Variants in PRDM16 observed in about 807,000 individuals in gnomAD.
The protein encoded by PRDM16 is histone-lysine N-methyltransferase PRDM16.
A neutral mutation model predicts 110.6 loss-of-function variants in PRDM16; 23 were observed. The ratio of observed to expected loss-of-function variants is 0.21; its 90% confidence interval spans 0.15 to 0.29. The LOEUF is 0.29. Ranked by LOEUF, PRDM16 falls within the 10% of genes least tolerant of loss-of-function variation. The pLI, the probability that PRDM16 is intolerant of heterozygous loss-of-function variation, is 1.00. For missense variants in PRDM16, 1,615 were observed against 1,794.3 expected, an observed-to-expected ratio of 0.90 and a Z score of 1.81; for synonymous variants, 799 against 781.8, an observed-to-expected ratio of 1.02 and a Z score of -0.37.
chr1:3,184,481 C>G (rs1476653807), intron 1 of PRDM16, among the ~76,000 whole-genome samples: 1 of 152,304 alleles, frequency 6.6e-6, no homozygotes, highest in East Asian at 1.9e-4. Context: ...GAGGGGCTTG[C>G]GTGGAAAGAT....
chr1:3,150,836 C>T (rs1053318831), intron 1 of PRDM16, among the ~76,000 whole-genome samples: 1 of 146,790 alleles, frequency 6.8e-6, no homozygotes, highest in African/African-American at 2.5e-5. Flanking sequence ...AGGGAAAGCA[C>T]AGAGCTGCAA....
At chr1:3,299,137 C>A (rs1000115185) in intron 3 of PRDM16, among the ~76,000 whole-genome samples, 1 of 151,714 alleles carries the variant, frequency 6.6e-6, no homozygotes, top group Non-Finnish European at 1.5e-5. Flanking sequence ...CGATCCCAGT[C>A]GTGGTGGCTC....
At chr1:3,102,981 TAGA>T (rs1350820566) in intron 1 of PRDM16, among the ~76,000 whole-genome samples, 4 of 152,304 alleles carry the variant, frequency 2.6e-5, no homozygotes, top group South Asian at 4.1e-4. Flanking sequence ...TCCCTAAAAC[TAGA>T]AGATGTGATC....
intron 8 of PRDM16, among the ~76,000 whole-genome samples, chr1:3,410,715 C>T (rs952212951): frequency 6.6e-6 from 1 of 152,190 alleles, no homozygotes; most frequent in East Asian, 1.9e-4. Flanking sequence ...GCGTGGTCAG[C>T]GTCCTGCCCC....
intron 3 of PRDM16, among the ~76,000 whole-genome samples, chr1:3,331,722 C>T (rs964240332): frequency 3.3e-5 from 5 of 152,238 alleles, no homozygotes; most frequent in Middle Eastern, 3.2e-3. Flanking sequence ...TTGCCTGGCA[C>T]CCGGACCCAG....
At chr1:3,424,885 C>T (rs7418980) in intron 12 of PRDM16, 1 of 152,328 alleles carries the variant, frequency 6.6e-6, no homozygotes, top group African/African-American at 2.4e-5. Flanking sequence ...CCTCTGGAGG[C>T]TGCAAGGAGC....
At chr1:3,368,262 A>G (rs1028782825) in intron 3 of PRDM16, among the ~76,000 whole-genome samples, 9 of 152,184 alleles carry the variant, frequency 5.9e-5, no homozygotes, top group Non-Finnish European at 4.4e-5. Flanking sequence ...CGGACTTCCC[A>G]GCTCAGGAGC....
intron 2 of PRDM16, among the ~76,000 whole-genome samples, chr1:3,226,709 G>C (rs891446278): frequency 7.9e-5 from 12 of 152,190 alleles, no homozygotes; most frequent in African/African-American, 2.9e-4. Flanking sequence ...TGCAGAGAGG[G>C]GCCTGGATGC....
At chr1:3,380,838 C>T (rs61759203) in intron 3 of PRDM16, among the ~76,000 whole-genome samples, 2,987 of 152,334 alleles carry the variant, frequency 0.02, 40 homozygotes, top group Non-Finnish European at 0.032. Context: ...ATGCATTCAA[C>T]AATACACTGG....
At chr1:3,226,618 A>G (rs1160106199) in intron 2 of PRDM16, among the ~76,000 whole-genome samples, 2 of 152,220 alleles carry the variant, frequency 1.3e-5, no homozygotes, top group African/African-American at 2.4e-5. Flanking sequence ...GCATTTAACA[A>G]CAAGGTTCCT....
At chr1:3,238,345 C>T (rs1639585193) in intron 2 of PRDM16, among the ~76,000 whole-genome samples, 1 of 152,164 alleles carries the variant, frequency 6.6e-6, no homozygotes, top group Non-Finnish European at 1.5e-5. Context: ...CCGTACTTGA[C>T]TGTGTAAATA....
At chr1:3,090,971 C>T (rs988815152) in intron 1 of PRDM16, among the ~76,000 whole-genome samples, 2 of 152,136 alleles carry the variant, frequency 1.3e-5, no homozygotes, top group Non-Finnish European at 2.9e-5. Context: ...CAGACAGCCC[C>T]CAGGGCTCCA....
chr1:3,311,985 G>C (rs1247422048), intron 3 of PRDM16, among the ~76,000 whole-genome samples: 2 of 152,190 alleles, frequency 1.3e-5, no homozygotes, highest in African/African-American at 2.4e-5. Context: ...CAGGTGCTCA[G>C]GGAGCCCCAA....
intron 3 of PRDM16, among the ~76,000 whole-genome samples, chr1:3,301,736 TC>T (rs1641212919): frequency 6.6e-6 from 1 of 152,188 alleles, no homozygotes; most frequent in Admixed American, 6.5e-5. Context: ...AAAGCCACTG[TC>T]CCAAGCTGGC....
Position 3,244,855 on chromosome 1 carries a change from C to G in PRDM16, c.438+718C>G, listed in dbSNP as rs1385999724. 6.6e-6 allele frequency among the ~76,000 whole-genome samples: 1 copy of G among 152,212 alleles called. No individual in the cohort carries two copies. The highest frequency in any genetic ancestry group is 1.5e-5 in the Non-Finnish European group (1 of 68,046). ...TAGAACCTGTTCAGCAGCCAGAACTCCTCTTCGACGGGATATGCATTGCCT... is the reference window on the plus strand; with the variant it reads ...TAGAACCTGTTCAGCAGCCAGAACTGCTCTTCGACGGGATATGCATTGCCT... On this transcript the variant is annotated intron_variant, in intron 3 of 16. Coordinates refer to ENST00000270722, the MANE Select transcript of PRDM16 (RefSeq NM_022114.4). The surrounding 1 kb of genome is among the most constrained non-coding windows in gnomAD (Gnocchi z 4.1).
In PRDM16 at chr1:3,265,186, G is replaced by A. The variant is rs540250782; in HGVS notation, c.438+21049G>A. On this transcript the variant is annotated intron_variant, in intron 3 of 16. Coordinates refer to ENST00000270722, the MANE Select transcript of PRDM16 (RefSeq NM_022114.4). The surrounding 1 kb of genome is among the most constrained non-coding windows in gnomAD (Gnocchi z 4.5). The stretch of plus-strand genomic sequence containing the variant: ...GGACTGGGACTGAGGGTGGTGGACA[G>A]GGATGAGACAGGAGCAGGGCTCTGG... Among the ~76,000 whole-genome samples, 3 of 152,288 alleles carry A rather than the reference G, an allele frequency of 2.0e-5. No homozygotes were observed. The highest frequency in any genetic ancestry group is 7.2e-5 in the African/African-American group (3 of 41,546).
chr1:3,240,511 G>A (rs564808503), intron 2 of PRDM16, among the ~76,000 whole-genome samples: 24 of 152,284 alleles, frequency 1.6e-4, no homozygotes, highest in African/African-American at 5.5e-4. Flanking sequence ...TGGGTAAAGC[G>A]GAGTGTTGGG....
intron 6 of PRDM16, among the ~76,000 whole-genome samples, chr1:3,403,436 G>T (rs1643508275): frequency 6.6e-6 from 1 of 152,348 alleles, no homozygotes; most frequent in Non-Finnish European, 1.5e-5. Flanking sequence ...ACCACCAAGG[G>T]ATTCATGGTG....
intron 1 of PRDM16, among the ~76,000 whole-genome samples, chr1:3,142,132 C>T (rs1046757573): frequency 4.6e-5 from 7 of 152,176 alleles, no homozygotes; most frequent in Admixed American, 3.9e-4. Flanking sequence ...TCCATCGGCT[C>T]CCCCCGTCCA....
Sources: gnomAD v4.1 joint callset for allele counts (sites outside exome capture counted in the v4.1 genomes callset) on GRCh38, gnomAD v4.1.1 for gene constraint, Gnocchi (gnomAD v3.1) non-coding constraint, MANE v1.5 for transcripts, NCBI Gene and HGNC (gene_info 2026-07-23, HGNC 2026-07-21) for gene names.